Variants in DAB1 observed in about 807,000 individuals in gnomAD.
DAB1 encodes disabled homolog 1.
A neutral mutation model predicts 64.6 loss-of-function variants in DAB1; 15 were observed. The ratio of observed to expected loss-of-function variants is 0.23; its 90% CI spans 0.16 to 0.36. The LOEUF is 0.36. Among genes scored for constraint, DAB1 ranks in the 10% least tolerant of loss-of-function variants. DAB1 has a pLI of 1.00. For missense variants in DAB1, 596 were observed against 706.7 expected, an observed-to-expected ratio of 0.84 and a Z score of 1.78; for synonymous variants, 235 against 251.9, an observed-to-expected ratio of 0.93 and a Z score of 0.64.
intron 6 of DAB1, among the ~76,000 whole-genome samples, chr1:57,792,161 G>A (rs1569701128): frequency 6.6e-6 from 1 of 152,116 alleles, no homozygotes; most frequent in East Asian, 1.9e-4. Context: ...TGTCTCCCTT[G>A]CTATTCTCAT....
intron 9 of DAB1, among the ~76,000 whole-genome samples, chr1:57,049,632 C>T (rs72903367): frequency 0.026 from 3,935 of 151,948 alleles, 164 homozygotes; most frequent in African/African-American, 0.089. Context: ...CAGTCATACA[C>T]TCAAACTCAT....
intron 2 of DAB1, among the ~76,000 whole-genome samples, chr1:57,266,593 C>T (rs76577641): frequency 0.03 from 4,555 of 152,250 alleles, 67 homozygotes; most frequent in Non-Finnish European, 0.038. Flanking sequence ...TGGACTACAG[C>T]AATTTTGTTA....
intron 3 of DAB1, among the ~76,000 whole-genome samples, chr1:58,379,363 C>T (rs1275958916): frequency 1.3e-5 from 2 of 152,176 alleles, no homozygotes; most frequent in Non-Finnish European, 2.9e-5. Flanking sequence ...ACTAATGGCT[C>T]TATGAAATAC....
intron 4 of DAB1, among the ~76,000 whole-genome samples, chr1:58,178,648 C>G (rs1656617505): frequency 6.6e-6 from 1 of 152,124 alleles, no homozygotes; most frequent in South Asian, 2.1e-4. Flanking sequence ...GATGAGCAAA[C>G]TTTTCTAAAA....
chr1:58,148,779 C>G lies in DAB1; in HGVS notation n.387+1732G>C, dbSNP rs559429952. ...TGAGAGCAGCACAGAAATCACACCC[C>G]CCCCCCAACCTCATGATTCAATTAC... On this transcript the variant is annotated intron_variant and non_coding_transcript_variant, in intron 5 of 20. Transcript: ENST00000485760. 7.3e-5 allele frequency among the ~76,000 whole-genome samples: 11 copies of G among 151,696 alleles called. No homozygotes were observed. In the East Asian group the frequency reaches 9.7e-4, roughly 13 times the overall value.
At chr1:57,688,215 A>G (rs1646723890) in intron 6 of DAB1, among the ~76,000 whole-genome samples, 1 of 152,148 alleles carries the variant, frequency 6.6e-6, no homozygotes, top group Non-Finnish European at 1.5e-5. Flanking sequence ...GAAATTAATT[A>G]GCAAAAGACA....
At chr1:57,802,530 G>A (rs1178832052) in intron 6 of DAB1, among the ~76,000 whole-genome samples, 1 of 152,164 alleles carries the variant, frequency 6.6e-6, no homozygotes, top group African/African-American at 2.4e-5. Context: ...ATATGGTTTG[G>A]AATTGTGTCC....
At chr1:57,719,742 C>T (rs898279302) in intron 6 of DAB1, among the ~76,000 whole-genome samples, 5 of 152,224 alleles carry the variant, frequency 3.3e-5, no homozygotes, top group African/African-American at 7.2e-5. Flanking sequence ...ATTAAACTTC[C>T]TTTCTTTATA....
At chr1:58,182,023 T>C (rs1570456248) in intron 4 of DAB1, among the ~76,000 whole-genome samples, 1 of 152,134 alleles carries the variant, frequency 6.6e-6, no homozygotes. Context: ...TATCTGAGAA[T>C]ATCTTTGTGC....
chr1:57,834,432 T>C (rs1652720198), intron 1 of DAB1, among the ~76,000 whole-genome samples: 3 of 152,168 alleles, frequency 2.0e-5, no homozygotes, highest in African/African-American at 7.2e-5. Context: ...TAGATACATA[T>C]TTCCTTCATT....
rs1021914730 is a variant in DAB1, at chr1:56,995,528, A to G, written c.*2616T>C. On this transcript the variant is annotated 3_prime_UTR_variant, in exon 15 of 15. Transcript: ENST00000371236. The stretch of plus-strand genomic sequence containing the variant: ...TTCAGAGCCAGTTACATTTTCAATC[A>G]TGTTCAATGAAAGAGGACAATTCTC... 1 of 152,212 alleles carries G rather than the reference A, an allele frequency of 6.6e-6. No homozygotes were observed. Among genetic ancestry groups the G allele is most frequent in the African/African-American group, 2.4e-5 (1 of 41,450 alleles). 9.4% of individuals were successfully genotyped at this position (152,212 alleles called of 1,614,324 possible). A position where few individuals can be genotyped will look rare whatever the true frequency, so the allele number is the denominator to read the frequency against.
At chr1:57,214,798 C>G (rs1227357503) in intron 2 of DAB1, among the ~76,000 whole-genome samples, 1 of 150,384 alleles carries the variant, frequency 6.6e-6, no homozygotes, top group Non-Finnish European at 1.5e-5. Flanking sequence ...GTAGTCCCAG[C>G]TACTCAGGAG....
chr1:57,152,272 G>A (rs1324991599), intron 2 of DAB1, among the ~76,000 whole-genome samples: 1 of 152,186 alleles, frequency 6.6e-6, no homozygotes, highest in Non-Finnish European at 1.5e-5. Context: ...TGGCTCAGAG[G>A]AAAGCAATCC....
At chr1:57,430,382 T>TTTC (rs1685455897) in intron 7 of DAB1, among the ~76,000 whole-genome samples, 1 of 151,618 alleles carries the variant, frequency 6.6e-6, no homozygotes, top group Non-Finnish European at 1.5e-5. Context: ...ATACAATTTT[T>TTTC]TTTTTTTTTT....
intron 5 of DAB1, among the ~76,000 whole-genome samples, chr1:58,099,555 G>A (rs1651187456): frequency 1.3e-5 from 2 of 152,146 alleles, no homozygotes; most frequent in Admixed American, 1.3e-4. Context: ...GCAGGTGTGA[G>A]GGCACAATAC....
chr1:57,817,592 A>C (rs1045327971), intron 6 of DAB1, among the ~76,000 whole-genome samples: 1 of 152,182 alleles, frequency 6.6e-6, no homozygotes, highest in African/African-American at 2.4e-5. Flanking sequence ...AGGGCTCCTC[A>C]GGCAACACTC....
intron 5 of DAB1, among the ~76,000 whole-genome samples, chr1:57,922,673 G>A (rs1268104585): frequency 1.3e-5 from 2 of 150,964 alleles, no homozygotes; most frequent in Non-Finnish European, 3.0e-5. Context: ...GTGAAACCCC[G>A]TCTCTACTAA....
At chr1:57,767,087 T>G (rs116706711) in intron 6 of DAB1, among the ~76,000 whole-genome samples, 87 of 152,154 alleles carry the variant, frequency 5.7e-4, no homozygotes, top group African/African-American at 2.0e-3. Context: ...ACGTCATCAT[T>G]TGGGTGTTTT....
At chr1:57,211,403 A>C (rs1665994222) in intron 2 of DAB1, among the ~76,000 whole-genome samples, 1 of 152,164 alleles carries the variant, frequency 6.6e-6, no homozygotes, top group African/African-American at 2.4e-5. Context: ...TAACAAAGAA[A>C]GTCTGTTCTC....
Sources: gnomAD v4.1 joint callset for allele counts (sites outside exome capture counted in the v4.1 genomes callset) on GRCh38, gnomAD v4.1.1 for gene constraint, MANE v1.5 for transcripts, NCBI Gene and HGNC (gene_info 2026-07-23, HGNC 2026-07-21) for gene names.